Variants in DCAF6 observed in about 807,000 individuals in gnomAD.
The protein encoded by DCAF6 is DDB1- and CUL4-associated factor 6.
A neutral mutation model predicts 125.1 loss-of-function variants in DCAF6; 54 were observed. The ratio of observed to expected loss-of-function variants is 0.43; its 90% CI spans 0.35 to 0.54. DCAF6 has a LOEUF of 0.54. Among genes scored for constraint, DCAF6 ranks in the 20% least tolerant of loss-of-function variants. The probability of loss-of-function intolerance (pLI) is 0.01; values close to 1 mark genes in which losing one functional copy is unlikely to be tolerated. For synonymous variants in DCAF6, 371 were observed against 390.4 expected (o/e 0.95, Z 0.58); for missense variants, 934 against 1,161.7 (o/e 0.80, Z 2.85).
chr1:167,870,559 G>C, the DCAF6 span: 11 of 656,960 alleles, frequency 1.7e-5, no homozygotes, highest in Admixed American at 5.0e-5. Context: ...TTGGGAGGCC[G>C]AGGTGGGCGG....
intron 2 of DCAF6, among the ~76,000 whole-genome samples, chr1:167,958,675 A>AACATTG (rs1318001713): frequency 6.6e-6 from 1 of 152,220 alleles, no homozygotes; most frequent in African/African-American, 2.4e-5. Flanking sequence ...AAAATATCAG[A>AACATTG]ACATTGTGTT....
intron 10 of DCAF6, among the ~76,000 whole-genome samples, chr1:168,010,264 A>G (rs1200366731): frequency 6.6e-6 from 1 of 151,334 alleles, no homozygotes; most frequent in Non-Finnish European, 1.5e-5. Flanking sequence ...TTGTCTCATT[A>G]TATATATATA....
At chr1:167,924,460 T>C in the DCAF6 span, 9 of 1,559,998 alleles carry the variant, frequency 5.8e-6, no homozygotes, top group South Asian at 9.4e-5. Flanking sequence ...TTAAGGAATT[T>C]GTCTTTCAGT....
chr1:168,035,296 A>C (rs1419650127), intron 12 of DCAF6, among the ~76,000 whole-genome samples: 1 of 152,150 alleles, frequency 6.6e-6, no homozygotes, highest in African/African-American at 2.4e-5. Context: ...AGTTACTACA[A>C]ATTAGCCAGG....
the DCAF6 span, among the ~76,000 whole-genome samples, chr1:167,868,329 TG>T: frequency 6.6e-6 from 1 of 152,152 alleles, no homozygotes; most frequent in Non-Finnish European, 1.5e-5. Flanking sequence ...AGAATCACCC[TG>T]ATCATTTCTA....
At chr1:167,971,275 C>G (rs1677261626) in intron 3 of DCAF6, among the ~76,000 whole-genome samples, 1 of 152,098 alleles carries the variant, frequency 6.6e-6, no homozygotes. Flanking sequence ...GTGGATAACT[C>G]TATTATTATA....
intron 9 of DCAF6, 22 bp from the exon 10 acceptor site, chr1:168,004,511 T>G (rs1268580866): frequency 1.2e-6 from 2 of 1,606,444 alleles, no homozygotes; most frequent in Non-Finnish European, 1.7e-6. Flanking sequence ...AATTTGAATT[T>G]GCCTTAACAT....
intron 1 of DCAF6, among the ~76,000 whole-genome samples, chr1:167,941,264 T>G (rs765664868): frequency 3.9e-5 from 6 of 152,154 alleles, no homozygotes; most frequent in Non-Finnish European, 8.8e-5. Flanking sequence ...ATACTGATAA[T>G]TCCTTAAGGC....
upstream of DCAF6, among the ~76,000 whole-genome samples, chr1:167,931,396 A>G (rs539399576): frequency 2.7e-4 from 41 of 152,262 alleles, no homozygotes; most frequent in African/African-American, 9.9e-4. Context: ...TTGTTTGAAG[A>G]TATTCTATTT....
At chr1:167,926,790 T>C in the DCAF6 span, among the ~76,000 whole-genome samples, 2 of 152,208 alleles carry the variant, frequency 1.3e-5, no homozygotes, top group Admixed American at 1.3e-4. Context: ...CATGCTATTT[T>C]ATGGCTCTTC....
chr1:167,908,419 T>C, the DCAF6 span, among the ~76,000 whole-genome samples: 1 of 152,024 alleles, frequency 6.6e-6, no homozygotes, highest in Non-Finnish European at 1.5e-5. Flanking sequence ...TGGAATGAGA[T>C]GTTGGTGGCT....
intron 4 of DCAF6, among the ~76,000 whole-genome samples, chr1:167,980,953 C>A (rs1386258686): frequency 7.1e-6 from 1 of 140,790 alleles, no homozygotes; most frequent in African/African-American, 2.6e-5. Flanking sequence ...GTCACCCAGG[C>A]TGGAGTGCAG....
At chr1:167,876,228 T>C in the DCAF6 span, among the ~76,000 whole-genome samples, 1 of 141,864 alleles carries the variant, frequency 7.0e-6, no homozygotes, top group East Asian at 2.1e-4. Flanking sequence ...TTGCATTCCA[T>C]CCTGGGCAAC....
At chr1:167,958,752 C>A (rs904367678) in intron 2 of DCAF6, among the ~76,000 whole-genome samples, 1 of 152,080 alleles carries the variant, frequency 6.6e-6, no homozygotes, top group Non-Finnish European at 1.5e-5. Context: ...AGGTTCATAG[C>A]AAAATTGAGA....
intron 13 of DCAF6, among the ~76,000 whole-genome samples, chr1:168,039,768 G>A (rs186777038): frequency 1.7e-4 from 25 of 148,674 alleles, no homozygotes; most frequent in African/African-American, 5.6e-4. Flanking sequence ...GTTATGTATT[G>A]TCTTAATATG....
At chr1:168,014,994 C>G (rs1055739309) in intron 10 of DCAF6, among the ~76,000 whole-genome samples, 2 of 152,174 alleles carry the variant, frequency 1.3e-5, no homozygotes, top group Admixed American at 1.3e-4. Flanking sequence ...CACATATGTT[C>G]AACATCATGT....
At chr1:167,894,299 G>A in the DCAF6 span, among the ~76,000 whole-genome samples, 3 of 152,202 alleles carry the variant, frequency 2.0e-5, no homozygotes, top group Non-Finnish European at 2.9e-5. Flanking sequence ...GTGACAGAAT[G>A]AAGGGGATGG....
chr1:167,875,093 T>C, the DCAF6 span: 5 of 1,566,906 alleles, frequency 3.2e-6, no homozygotes, highest in East Asian at 2.2e-5. Flanking sequence ...TTTGTTTTAG[T>C]TCAATAAAGA....
intron 1 of DCAF6, among the ~76,000 whole-genome samples, chr1:167,948,817 A>T (rs1278647139): frequency 6.6e-6 from 1 of 152,012 alleles, no homozygotes; most frequent in African/African-American, 2.4e-5. Context: ...ACACCCGGCT[A>T]ATTTTTGTAT....
Sources: gnomAD v4.1 joint callset for allele counts (sites outside exome capture counted in the v4.1 genomes callset) on GRCh38, gnomAD v4.1.1 for gene constraint, MANE v1.5 for transcripts, NCBI Gene and HGNC (gene_info 2026-07-23, HGNC 2026-07-21) for gene names.